NCOR2: variants seen among roughly 807,000 people sequenced by gnomAD.
NCOR2 encodes nuclear receptor corepressor 2.
NCOR2 carries 81 observed loss-of-function variants against 262.9 expected under a neutral mutation model. The ratio of observed to expected loss-of-function variants is 0.31; its 90% CI spans 0.26 to 0.37. The LOEUF is 0.37. Ranked by LOEUF, NCOR2 falls within the 10% of genes least tolerant of loss-of-function variation. The pLI, the probability that NCOR2 is intolerant of heterozygous loss-of-function variation, is 1.00. For missense variants in NCOR2, 3,385 were observed against 3,621.4 expected (o/e 0.93, Z 1.68); for synonymous variants, 1,659 against 1,559.3 (o/e 1.06, Z -1.51).
At chr12:124,390,369 C>T (rs1420047662) in intron 16 of NCOR2, among the ~76,000 whole-genome samples, 1 of 152,214 alleles carries the variant, frequency 6.6e-6, no homozygotes, top group Non-Finnish European at 1.5e-5. Flanking sequence ...GCACCAGCTG[C>T]TCCTGCTGCC....
chr12:124,560,736 G>A (rs1481137515), intron 1 of NCOR2, among the ~76,000 whole-genome samples: 1 of 152,198 alleles, frequency 6.6e-6, no homozygotes, highest in African/African-American at 2.4e-5. Flanking sequence ...CTGCCTCGGG[G>A]AACAGAAACT....
At chr12:124,422,819 G>A (rs557261295) in intron 11 of NCOR2, among the ~76,000 whole-genome samples, 1 of 152,244 alleles carries the variant, frequency 6.6e-6, no homozygotes, top group Non-Finnish European at 1.5e-5. Flanking sequence ...TCCTGCTGGA[G>A]GCGGCTTCCA....
chr12:124,336,519 T>C (rs1219597322), intron 38 of NCOR2: 2 of 1,187,022 alleles, frequency 1.7e-6, no homozygotes, highest in African/African-American at 1.6e-5. Context: ...CGAGGACGGA[T>C]GGGCTTCAAA....
exon 32 of NCOR2, chr12:124,344,826 G>A (rs549207359): frequency 1.0e-5 from 16 of 1,558,086 alleles, no homozygotes; most frequent in Admixed American, 7.7e-5. Context: ...GTGCCCGGGC[G>A]TCGGCCATCA....
upstream of NCOR2, among the ~76,000 whole-genome samples, chr12:124,497,240 C>A (rs1170533654): frequency 6.6e-6 from 1 of 152,186 alleles, no homozygotes; most frequent in Non-Finnish European, 1.5e-5. This position sits in a 1 kb window ranked among gnomAD's most constrained non-coding sequence, Gnocchi z 4.2. Flanking sequence ...CAAGGAATTC[C>A]GGAGCCAAGA....
intron 1 of NCOR2, among the ~76,000 whole-genome samples, chr12:124,563,226 G>T (rs1025511352): frequency 6.6e-6 from 1 of 152,128 alleles, no homozygotes; most frequent in Non-Finnish European, 1.5e-5. Context: ...GCTCTCTTGG[G>T]GATGGCAGAT....
At chr12:124,551,558 G>C (rs532774221) in intron 1 of NCOR2, among the ~76,000 whole-genome samples, 37 of 152,258 alleles carry the variant, frequency 2.4e-4, no homozygotes, top group African/African-American at 8.4e-4. Flanking sequence ...TGGTGTCCTG[G>C]GCTAAGGCTC....
intron 37 of NCOR2, among the ~76,000 whole-genome samples, chr12:124,339,219 A>ACCCCCCCC (rs1555300759): frequency 5.1e-4 from 32 of 63,306 alleles, no homozygotes; most frequent in Admixed American, 1.0e-3. Flanking sequence ...TCTACCTACC[A>ACCCCCCCC]CCCACCCACC....
intron 24 of NCOR2, 123 bp downstream of exon 26, chr12:124,355,309 G>T: frequency 8.1e-7 from 1 of 1,229,500 alleles, no homozygotes; most frequent in Non-Finnish European, 1.1e-6. Flanking sequence ...GACCCCAGAT[G>T]CCTGAGTGGA....
chr12:124,402,035 T>C (rs1436375203), intron 14 of NCOR2, among the ~76,000 whole-genome samples: 2 of 152,230 alleles, frequency 1.3e-5, no homozygotes, highest in East Asian at 3.9e-4. Context: ...CTGATCCCCC[T>C]TTCCCCCTTC....
At chr12:124,367,026 G>A (rs1047293945) in intron 20 of NCOR2, among the ~76,000 whole-genome samples, 2 of 152,156 alleles carry the variant, frequency 1.3e-5, no homozygotes, top group Admixed American at 6.5e-5. Flanking sequence ...AAATGCAAAC[G>A]TTTGTATATG....
intron 8 of NCOR2, among the ~76,000 whole-genome samples, chr12:124,433,197 G>A (rs997231927): frequency 6.6e-6 from 1 of 152,190 alleles, no homozygotes; most frequent in East Asian, 1.9e-4. Flanking sequence ...TGCCAGGAAC[G>A]CGCTGGAGAT....
At chr12:124,340,798 G>A (rs2036393548) in intron 34 of NCOR2, 47 bp from the exon 37 acceptor site, 8 of 1,452,568 alleles carry the variant, frequency 5.5e-6, no homozygotes, top group South Asian at 1.5e-5. Flanking sequence ...GAGGAGAGAG[G>A]CCAGGCTGCC....
rs865891958 is a variant in NCOR2 at position 124,463,811 on chromosome 12, G to A, written c.705+2362C>T. On this transcript the variant is annotated intron_variant, in intron 5 of 46. Transcript: ENST00000405201. ...CTTTGGAGGCTCAGAGACTCAGCCC[G>A]GGCGGAGGATCCCCACCAGCCCCCA... Among the ~76,000 whole-genome samples, 32 of 152,194 alleles carry A rather than the reference G, an allele frequency of 2.1e-4. 1 individual carries two copies. The highest frequency in any genetic ancestry group is 2.5e-4 in the Non-Finnish European group (17 of 68,030).
At chr12:124,362,789 G>T (rs2038712286) in intron 21 of NCOR2, among the ~76,000 whole-genome samples, 1 of 143,496 alleles carries the variant, frequency 7.0e-6, no homozygotes, top group Non-Finnish European at 1.5e-5. Context: ...TAAAAAGTCT[G>T]GCCCAGCTGC....
At chr12:124,460,050 A>C (rs2046084864) in intron 5 of NCOR2, among the ~76,000 whole-genome samples, 1 of 152,124 alleles carries the variant, frequency 6.6e-6, no homozygotes, top group African/African-American at 2.4e-5. Context: ...GACCCCCCGC[A>C]GCAGGGCGGT....
chr12:124,449,891 C>T (rs867335864), intron 6 of NCOR2, 24 bp from the exon 9 acceptor site: 13 of 1,612,354 alleles, frequency 8.1e-6, no homozygotes, highest in African/African-American at 1.3e-5. Context: ...GAGAGAAGCA[C>T]ATCAGAGCCT....
At position 124,336,903 on chromosome 12, in the gene NCOR2, C is replaced by T. The variant is rs372512195; in HGVS notation, c.5965G>A (p.Ala1989Thr). The T allele has an allele frequency of 1.0e-4, 165 of 1,601,008 alleles. No individual in the cohort carries two copies. The highest frequency in any genetic ancestry group is 5.6e-4 in the Admixed American group (33 of 58,734). ...TTCGCAGGGGTGCGGGCGATGGTGG[C>T]GTGGCCAGAGACAGGAGGCACTAGG... Residue 1989 changes from alanine to threonine, a missense_variant, in exon 38 of 47, where the codon GCC becomes ACC. Ala to Thr is a moderately conservative substitution (Grantham distance 58, BLOSUM62 0). Coordinates refer to ENST00000405201, the Ensembl canonical transcript of NCOR2.
At chr12:124,362,395 C>A in intron 21 of NCOR2, 98 bp from the exon 24 acceptor site, 1 of 1,143,692 alleles carries the variant, frequency 8.7e-7, no homozygotes, top group South Asian at 2.4e-5. Context: ...AACCAAGGCC[C>A]GGGAAAGCCA....
Sources: gnomAD v4.1 joint callset for allele counts (sites outside exome capture counted in the v4.1 genomes callset) on GRCh38, gnomAD v4.1.1 for gene constraint, Gnocchi (gnomAD v3.1) non-coding constraint, MANE v1.5 for transcripts, NCBI Gene and HGNC (gene_info 2026-07-23, HGNC 2026-07-21) for gene names.